Variants in MACROD2 observed in about 807,000 individuals in gnomAD.
MACROD2 encodes the protein ADP-ribose glycohydrolase MACROD2.
In MACROD2, 36 loss-of-function variants were observed where a neutral mutation model predicts 70.4. The ratio of observed to expected loss-of-function variants is 0.51; its 90% CI spans 0.39 to 0.68. MACROD2 has a LOEUF of 0.68. Among genes scored for constraint, MACROD2 ranks in the 30% least tolerant of loss-of-function variants. MACROD2 has a pLI of 0.00. For missense variants in MACROD2, 496 were observed against 538.4 expected (o/e 0.92, Z 0.78); for synonymous variants, 172 against 178.8 (o/e 0.96, Z 0.30).
chr20:15,204,340 A>G (rs1046010755), intron 5 of MACROD2, among the ~76,000 whole-genome samples: 15 of 152,142 alleles, frequency 9.9e-5, no homozygotes, highest in Admixed American at 9.2e-4. Context: ...GATAATTGCA[A>G]TGGGCAGCGT....
chr20:15,333,512 C>A (rs1426064315), intron 6 of MACROD2, among the ~76,000 whole-genome samples: 2 of 151,476 alleles, frequency 1.3e-5, no homozygotes, highest in African/African-American at 4.9e-5. Context: ...TGGAGAAGAT[C>A]AGCGCTGGAA....
intron 5 of MACROD2, among the ~76,000 whole-genome samples, chr20:15,001,681 C>G (rs908118156): frequency 6.6e-6 from 1 of 151,732 alleles, no homozygotes; most frequent in African/African-American, 2.4e-5. Context: ...ATAATGAGGT[C>G]TAGAACATGT....
intron 8 of MACROD2, among the ~76,000 whole-genome samples, chr20:15,506,043 A>G (rs1037999990): frequency 2.6e-5 from 4 of 152,170 alleles, no homozygotes; most frequent in African/African-American, 9.7e-5. Context: ...GGGGATCCTG[A>G]GATGCTGTAT....
intron 5 of MACROD2, among the ~76,000 whole-genome samples, chr20:14,694,384 A>G (rs2071097776): frequency 1.3e-5 from 2 of 152,250 alleles, no homozygotes; most frequent in East Asian, 1.9e-4. Context: ...GTCATGTGGT[A>G]AGAGACAGTG....
At chr20:14,204,918 C>A (rs1455317131) in intron 3 of MACROD2, among the ~76,000 whole-genome samples, 1 of 151,986 alleles carries the variant, frequency 6.6e-6, no homozygotes, top group Non-Finnish European at 1.5e-5. Flanking sequence ...GTAGAAGTGA[C>A]ACAGGACCTA....
intron 8 of MACROD2, among the ~76,000 whole-genome samples, chr20:15,501,385 A>G (rs915485297): frequency 2.1e-4 from 32 of 152,236 alleles, no homozygotes; most frequent in South Asian, 2.1e-4. Flanking sequence ...TGTGATGGAC[A>G]TATGCATAAA....
intron 5 of MACROD2, among the ~76,000 whole-genome samples, chr20:15,159,481 C>G (rs541037742): frequency 7.2e-4 from 109 of 152,038 alleles, no homozygotes; most frequent in Non-Finnish European, 1.1e-3. Flanking sequence ...GAAATATACT[C>G]TTTGACAGAG....
intron 1 of MACROD2, among the ~76,000 whole-genome samples, chr20:13,998,139 C>T (rs1189748658): frequency 6.6e-6 from 1 of 151,982 alleles, no homozygotes; most frequent in African/African-American, 2.4e-5. Flanking sequence ...GTGAAGCATT[C>T]TTTAAATAAA....
chr20:15,379,745 T>G (rs969838711), intron 6 of MACROD2, among the ~76,000 whole-genome samples: 1 of 152,192 alleles, frequency 6.6e-6, no homozygotes, highest in African/African-American at 2.4e-5. Flanking sequence ...TCCTAGCTAG[T>G]CACTTAGCTT....
chr20:15,291,711 TA>T (rs1166932437), intron 6 of MACROD2, among the ~76,000 whole-genome samples: 1 of 152,078 alleles, frequency 6.6e-6, no homozygotes, highest in Non-Finnish European at 1.5e-5. Context: ...GTTTCATGAC[TA>T]AAAAAGGGAA....
chr20:14,588,349 TG>T (rs1244607374), intron 4 of MACROD2, among the ~76,000 whole-genome samples: 2 of 152,256 alleles, frequency 1.3e-5, no homozygotes, highest in Non-Finnish European at 2.9e-5. Context: ...ACATTTATCT[TG>T]TTCTAATGAC....
At chr20:14,354,759 T>G (rs2083157218) in intron 3 of MACROD2, among the ~76,000 whole-genome samples, 1 of 152,154 alleles carries the variant, frequency 6.6e-6, no homozygotes, top group Admixed American at 6.5e-5. Flanking sequence ...TTCCCCTCTC[T>G]CCCTTCCTTC....
intron 6 of MACROD2, among the ~76,000 whole-genome samples, chr20:15,377,532 C>G (rs1272432814): frequency 1.3e-5 from 2 of 152,132 alleles, no homozygotes; most frequent in African/African-American, 4.8e-5. Context: ...TCTTTCAGCT[C>G]TCAAGTACTC....
intron 3 of MACROD2, among the ~76,000 whole-genome samples, chr20:14,252,116 T>C (rs1284102288): frequency 6.6e-6 from 1 of 152,064 alleles, no homozygotes; most frequent in Admixed American, 6.6e-5. Context: ...GGTAACTGTT[T>C]CTATAAAGAT....
intron 5 of MACROD2, among the ~76,000 whole-genome samples, chr20:14,772,780 A>G (rs2072185741): frequency 6.6e-6 from 1 of 152,118 alleles, no homozygotes; most frequent in Admixed American, 6.5e-5. Flanking sequence ...AAGAGAAGCA[A>G]TGCCAGATTT....
At chr20:14,485,517 CG>C (rs2084714113) in intron 3 of MACROD2, among the ~76,000 whole-genome samples, 1 of 151,802 alleles carries the variant, frequency 6.6e-6, no homozygotes, top group African/African-American at 2.4e-5. Flanking sequence ...CTGGCTAACA[CG>C]GTGAAACCCC....
intron 8 of MACROD2, among the ~76,000 whole-genome samples, chr20:15,628,878 G>A (rs1341766816): frequency 3.9e-5 from 6 of 152,244 alleles, no homozygotes; most frequent in Non-Finnish European, 2.9e-5. Flanking sequence ...ATCATATGGT[G>A]TGTATTGGTT....
intron 4 of MACROD2, among the ~76,000 whole-genome samples, chr20:14,615,699 A>G (rs538236750): frequency 1.3e-5 from 2 of 152,238 alleles, no homozygotes; most frequent in Non-Finnish European, 2.9e-5. Context: ...GCCAGTGTGT[A>G]TTAGAAAGAT....
intron 3 of MACROD2, among the ~76,000 whole-genome samples, chr20:14,123,119 C>T (rs1180702161): frequency 6.6e-6 from 1 of 152,124 alleles, no homozygotes; most frequent in East Asian, 1.9e-4. Context: ...GAAGCATAGC[C>T]ATGAGTGTAA....
Sources: allele counts gnomAD v4.1 joint callset (sites outside exome capture counted in the v4.1 genomes callset), GRCh38; gene constraint gnomAD v4.1.1; transcripts MANE v1.5; gene names NCBI Gene and HGNC (gene_info 2026-07-23, HGNC 2026-07-21).